ANKRD46: variants seen among roughly 807,000 people sequenced by gnomAD.
ANKRD46 encodes ankyrin repeat domain 46.
ANKRD46 carries 13 observed loss-of-function variants against 19.8 expected under a neutral mutation model. That is an observed-to-expected ratio of 0.66 (90% CI 0.43 to 1.04). The LOEUF (loss-of-function observed/expected upper bound fraction) is 1.04. ANKRD46 is among the 50% of genes least tolerant of loss of function. The pLI is 0.00. For missense variants in ANKRD46, 185 were observed against 274.8 expected (o/e 0.67, Z 2.31); for synonymous variants, 91 against 106.9 (o/e 0.85, Z 0.92).
rs1811728472 is a variant in ANKRD46 at position 100,521,766 on chromosome 8, A to G, written c.*789T>C. The G allele has an allele frequency of 1.0e-6, 1 of 985,402 alleles. No homozygotes were observed. The highest frequency in any genetic ancestry group is 1.2e-6 in the Non-Finnish European group (1 of 829,870). The allele number at this position is 985,402 out of a possible 1,614,324, so 61.0% of individuals were successfully genotyped here. ...TCAGAATTATTTTTCCCTGCTAACTATTCAGTAGAAAAAGGATTTTCTGAC... is the reference window on the plus strand; with the variant it reads ...TCAGAATTATTTTTCCCTGCTAACTGTTCAGTAGAAAAAGGATTTTCTGAC... On this transcript the variant is annotated 3_prime_UTR_variant, in exon 5 of 5. Transcript: ENST00000335659.
chr8:100,557,504 A>G lies in ANKRD46; in HGVS notation c.-131+2207T>C, dbSNP rs1563495379. ...TTCCATCCTTGCCCTTACAGTCAAC[A>G]CTGAACACAGCAGCCAGAGTGATCC... On this transcript the variant is annotated intron_variant, in intron 1 of 4. Transcript: ENST00000335659. The surrounding 1 kb of genome is among the most constrained non-coding windows in gnomAD (Gnocchi z 5.9). 7.3e-6 allele frequency among the ~76,000 whole-genome samples: 1 copy of G among 137,402 alleles called. No individual in the cohort carries two copies. The highest frequency in any genetic ancestry group is 2.5e-5 in the African/African-American group (1 of 40,408). The allele number at this position is 137,402 out of a possible 152,430, so 90.1% of individuals were successfully genotyped here.
Position 100,522,335 on chromosome 8 carries a change from G to C in ANKRD46, c.*220C>G. On this transcript the variant is annotated 3_prime_UTR_variant, in exon 5 of 5. Transcript: ENST00000335659. ...CGTGTAGGCTTTCCTACAAAGTCAG[G>C]TTGAGTCAGAGGTAGCGTTAGGATG... 7.3e-7 allele frequency: 1 copy of C among 1,361,492 alleles called. No homozygotes were observed. The highest frequency in any genetic ancestry group is 9.5e-7 in the Non-Finnish European group (1 of 1,056,196). The allele number at this position is 1,361,492 out of a possible 1,614,324, so 84.3% of individuals were successfully genotyped here.
At position 100,522,496 on chromosome 8, in the gene ANKRD46, G is replaced by A; in HGVS notation, c.*59C>T. The A allele has an allele frequency of 2.5e-6, 4 of 1,592,744 alleles. No homozygotes were observed. Among genetic ancestry groups the A allele is most frequent in the Non-Finnish European group, 3.4e-6 (4 of 1,168,610 alleles). ...GCTAAGAAAAATTCTGAGAAACTGA[G>A]AACAAACATTGGAAGCCAGGAAACA... On this transcript the variant is annotated 3_prime_UTR_variant, in exon 5 of 5. Coordinates refer to ENST00000335659, the MANE Select transcript of ANKRD46 (RefSeq NM_001270377.2).
chr8:100,529,965 T>C lies in ANKRD46; in HGVS notation c.-27-105A>G. 1 of 764,432 alleles carries C rather than the reference T, an allele frequency of 1.3e-6. No homozygotes were observed. Among genetic ancestry groups the C allele is most frequent in the Admixed American group, 3.2e-5 (1 of 31,388 alleles). 47.4% of individuals were successfully genotyped at this position (764,432 alleles called of 1,614,324 possible). A position where few individuals can be genotyped will look rare whatever the true frequency, so the allele number is the denominator to read the frequency against. ...CTCATCCTTTTTGGCCTCCTGCCTC[T>C]AATAAATAAATGACCAAACAGAAAC... On this transcript the variant is annotated intron_variant, in intron 2 of 4. Coordinates refer to ENST00000335659, the MANE Select transcript of ANKRD46 (RefSeq NM_001270377.2). The surrounding 1 kb of genome is among the most constrained non-coding windows in gnomAD (Gnocchi z 5.8).
At position 100,546,405 on chromosome 8, in the gene ANKRD46, T is replaced by C. The variant is rs1195301007; in HGVS notation, c.-130-13094A>G. On this transcript the variant is annotated intron_variant, in intron 1 of 4. Transcript: ENST00000335659. The surrounding 1 kb of genome is among the most constrained non-coding windows in gnomAD (Gnocchi z 4.0). Reference sequence around the variant, plus strand: ...AGGGGCCAGACTACAGCTCAGACCATTGCTTCAGAGGGTGCGGGCCCCAAG... The same window carrying C: ...AGGGGCCAGACTACAGCTCAGACCACTGCTTCAGAGGGTGCGGGCCCCAAG... 6.6e-6 allele frequency among the ~76,000 whole-genome samples: 1 copy of C among 152,236 alleles called. No homozygotes were observed. The highest frequency in any genetic ancestry group is 1.9e-4 in the East Asian group (1 of 5,198).
Position 100,529,959 on chromosome 8 carries a change from T to G in ANKRD46, c.-27-99A>C. 2 of 825,124 alleles carry G rather than the reference T, an allele frequency of 2.4e-6. No homozygotes were observed. The highest frequency in any genetic ancestry group is 3.7e-6 in the Non-Finnish European group (2 of 544,590). The allele number at this position is 825,124 out of a possible 1,614,324, so 51.1% of individuals were successfully genotyped here. On this transcript the variant is annotated intron_variant, in intron 2 of 4. Transcript: ENST00000335659. The surrounding 1 kb of genome is among the most constrained non-coding windows in gnomAD (Gnocchi z 5.8). ...ATATTTCTCATCCTTTTTGGCCTCCTGCCTCTAATAAATAAATGACCAAAC... is the reference window on the plus strand; with the variant it reads ...ATATTTCTCATCCTTTTTGGCCTCCGGCCTCTAATAAATAAATGACCAAAC...
intron 5 of ANKRD46, among the ~76,000 whole-genome samples, chr8:100,513,590 T>C (rs1288527293): frequency 2.0e-5 from 3 of 152,234 alleles, no homozygotes; most frequent in Non-Finnish European, 4.4e-5. Flanking sequence ...CTCCACTGTC[T>C]GATCCAAAAT....
At chr8:100,547,033 G>C (rs980608062) in intron 1 of ANKRD46, among the ~76,000 whole-genome samples, 3 of 152,352 alleles carry the variant, frequency 2.0e-5, no homozygotes, top group African/African-American at 4.8e-5. Flanking sequence ...AGACTCATAG[G>C]TGGAAGAGAC....
At chr8:100,513,311 C>T (rs1811578536) in intron 5 of ANKRD46, among the ~76,000 whole-genome samples, 1 of 152,182 alleles carries the variant, frequency 6.6e-6, no homozygotes. Flanking sequence ...AATGACTCTA[C>T]TCCCTGACTT....
chr8:100,522,838 A>G (rs1811756004), intron 4 of ANKRD46, 67 bp from the exon 5 acceptor site: 1 of 1,346,576 alleles, frequency 7.4e-7, no homozygotes, highest in Non-Finnish European at 1.0e-6. Flanking sequence ...ATAAAACCAC[A>G]GGGCTACTAT....
Position 100,510,485 on chromosome 8 carries a change from C to T in ANKRD46, c.*92G>A, listed in dbSNP as rs1892741. ...TGATGCTCCATGACACAAGTCGTGA[C>T]GGAAACAGCCCCACCCAACAGGGAC... On this transcript the variant is annotated 3_prime_UTR_variant, in exon 6 of 6. Transcript: ENST00000520552. The surrounding 1 kb of genome is among the most constrained non-coding windows in gnomAD (Gnocchi z 4.9). The T allele has an allele frequency of 9.4e-4, 1,183 of 1,263,476 alleles. 20 individuals are homozygous for T. In the East Asian group the frequency reaches 0.026, roughly 28 times the overall value. The allele number at this position is 1,263,476 out of a possible 1,614,324, so 78.3% of individuals were successfully genotyped here.
rs916015505 is a variant in ANKRD46 at position 100,557,091 on chromosome 8, A to C, written c.-131+2620T>G. Among the ~76,000 whole-genome samples, 2 of 152,234 alleles carry C rather than the reference A, an allele frequency of 1.3e-5. No homozygotes were observed. Among genetic ancestry groups the C allele is most frequent in the African/African-American group, 4.8e-5 (2 of 41,468 alleles). Reference sequence around the variant, plus strand: ...ATACAATCAATCTCATAATGTTTTAAGTAAGTTTACAAATTTGGGTTGCAC... The same window carrying C: ...ATACAATCAATCTCATAATGTTTTACGTAAGTTTACAAATTTGGGTTGCAC... On this transcript the variant is annotated intron_variant, in intron 1 of 4. Coordinates refer to ENST00000335659, the MANE Select transcript of ANKRD46 (RefSeq NM_001270377.2). The surrounding 1 kb of genome is among the most constrained non-coding windows in gnomAD (Gnocchi z 5.9).
chr8:100,552,047 G>C (rs146248160), intron 1 of ANKRD46, among the ~76,000 whole-genome samples: 1 of 151,792 alleles, frequency 6.6e-6, no homozygotes, highest in African/African-American at 2.4e-5. Context: ...GTACTCGGGA[G>C]GCTGAGGCAG....
chr8:100,556,774 T>C (rs1192932858), intron 1 of ANKRD46: 1 of 152,224 alleles, frequency 6.6e-6, no homozygotes, highest in Non-Finnish European at 1.5e-5. Context: ...GGAGACACAG[T>C]TGGTCACTTT....
rs185702874 is a variant in ANKRD46, at chr8:100,525,316, T to C, written c.470+2529A>G. Among the ~76,000 whole-genome samples, 70 of 152,352 alleles carry C rather than the reference T, an allele frequency of 4.6e-4. No individual in the cohort carries two copies. Among genetic ancestry groups the C allele is most frequent in the East Asian group, 1.5e-3 (8 of 5,196 alleles). On this transcript the variant is annotated intron_variant, in intron 4 of 4. Transcript: ENST00000335659. The surrounding 1 kb of genome is among the most constrained non-coding windows in gnomAD (Gnocchi z 4.4). ...AACTGTACAATTCAGTGGCTTTTCA[T>C]ATATTCCCCAAATTGTACAACCATC...
At chr8:100,518,704 T>C (rs1811673334), downstream of ANKRD46, among the ~76,000 whole-genome samples, 1 of 151,726 alleles carries the variant, frequency 6.6e-6, no homozygotes, top group Non-Finnish European at 1.5e-5. Context: ...TACAAAAAAT[T>C]AGCTGGGCGT....
At chr8:100,528,687 A>C (rs1811894388) in intron 3 of ANKRD46, among the ~76,000 whole-genome samples, 1 of 152,190 alleles carries the variant, frequency 6.6e-6, no homozygotes, top group Non-Finnish European at 1.5e-5. Flanking sequence ...GCTTCGGTTC[A>C]CGCAGCTATT....
At position 100,546,929 on chromosome 8, in the gene ANKRD46, T is replaced by C. The variant is rs778108018; in HGVS notation, c.-131+12782A>G. Among the ~76,000 whole-genome samples, 2 of 152,338 alleles carry C rather than the reference T, an allele frequency of 1.3e-5. No individual in the cohort carries two copies. Among genetic ancestry groups the C allele is most frequent in the East Asian group, 3.9e-4 (2 of 5,190 alleles). On this transcript the variant is annotated intron_variant, in intron 1 of 4. Transcript: ENST00000335659. This position sits in a 1 kb window ranked among gnomAD's most constrained non-coding sequence, Gnocchi z 4.0. ...TGCATGAGGCCTGAGGCCCCTTTGT[T>C]TTGGCCAATTTCTCCCATTTGGAAT... is the stretch of plus-strand genomic sequence containing the variant.
At chr8:100,548,712 A>G (rs1812320666) in intron 1 of ANKRD46, among the ~76,000 whole-genome samples, 1 of 152,212 alleles carries the variant, frequency 6.6e-6, no homozygotes, top group South Asian at 2.1e-4. Context: ...AAGTCAGTAT[A>G]AATGCTTAAG....
Sources: allele counts gnomAD v4.1 joint callset (sites outside exome capture counted in the v4.1 genomes callset), GRCh38; gene constraint gnomAD v4.1.1; non-coding constraint Gnocchi (gnomAD v3.1); transcripts MANE v1.5; gene names NCBI Gene and HGNC (gene_info 2026-07-23, HGNC 2026-07-21).